Variants in SLIT3 observed in about 807,000 individuals in gnomAD.
SLIT3 encodes slit guidance ligand 3.
Under a neutral mutation model 184.0 loss-of-function variants are expected in SLIT3, and 68 were observed. That is an observed-to-expected ratio of 0.37 (90% CI 0.30 to 0.45). SLIT3 has a LOEUF of 0.45. SLIT3 is among the 20% of genes least tolerant of loss of function. The pLI, the probability that SLIT3 is intolerant of heterozygous loss-of-function variation, is 1.00. For missense variants in SLIT3, 1,707 were observed against 2,026.0 expected (o/e 0.84, Z 3.02); for synonymous variants, 831 against 828.6 (o/e 1.00, Z -0.05).
chr5:168,970,498 A>AT (rs1423277157), intron 4 of SLIT3, among the ~76,000 whole-genome samples: 12 of 119,992 alleles, frequency 1.0e-4, no homozygotes, highest in East Asian at 5.0e-4. Flanking sequence ...TCTGTCTCAA[A>AT]TAAAAAAAAA....
chr5:169,250,185 T>C (rs1286964214), intron 2 of SLIT3, among the ~76,000 whole-genome samples: 2 of 152,198 alleles, frequency 1.3e-5, no homozygotes, highest in Non-Finnish European at 2.9e-5. Flanking sequence ...CTGCTACAAA[T>C]AGGGGCTCAT....
chr5:169,120,552 G>A (rs1314043933), intron 4 of SLIT3, among the ~76,000 whole-genome samples: 2 of 152,186 alleles, frequency 1.3e-5, no homozygotes, highest in Non-Finnish European at 2.9e-5. Flanking sequence ...CCAACATCTT[G>A]ATTTCAGCCC....
intron 1 of SLIT3, among the ~76,000 whole-genome samples, chr5:169,252,006 C>A (rs1765791373): frequency 6.6e-6 from 1 of 152,298 alleles, no homozygotes; most frequent in South Asian, 2.1e-4. Context: ...TGCCTGAAGC[C>A]AGATACCTCT....
At chr5:168,914,757 C>A (rs1391197806) in intron 4 of SLIT3, among the ~76,000 whole-genome samples, 1 of 151,582 alleles carries the variant, frequency 6.6e-6, no homozygotes, top group Non-Finnish European at 1.5e-5. Flanking sequence ...CTTGGGGCTA[C>A]AAACTCACAT....
chr5:168,667,315 T>TAAAG (rs1390963705), intron 35 of SLIT3, among the ~76,000 whole-genome samples: 5 of 152,202 alleles, frequency 3.3e-5, no homozygotes, highest in African/African-American at 1.2e-4. Context: ...GTAGATGCTA[T>TAAAG]AAAGAAAGGG....
intron 9 of SLIT3, among the ~76,000 whole-genome samples, chr5:168,803,600 G>T (rs1156507060): frequency 2.0e-5 from 3 of 152,196 alleles, no homozygotes; most frequent in Non-Finnish European, 4.4e-5. Context: ...AGTGGAAGGG[G>T]GGTGGCAGGC....
intron 3 of SLIT3, among the ~76,000 whole-genome samples, chr5:169,232,174 G>T (rs939346190): frequency 6.6e-6 from 1 of 152,096 alleles, no homozygotes; most frequent in Non-Finnish European, 1.5e-5. Flanking sequence ...TTTCTCTTTA[G>T]CGTCTTCTGT....
At chr5:169,023,733 C>T (rs1243557815) in intron 4 of SLIT3, 1 of 152,160 alleles carries the variant, frequency 6.6e-6, no homozygotes, top group Non-Finnish European at 1.5e-5. Context: ...TGTCTGGTGC[C>T]AGCAAAGGTA....
intron 11 of SLIT3, among the ~76,000 whole-genome samples, chr5:168,787,635 A>T (rs906035683): frequency 4.6e-5 from 7 of 151,764 alleles, no homozygotes; most frequent in African/African-American, 1.2e-4. Context: ...TTTAATTTTA[A>T]TTTTTTCTGC....
At chr5:169,168,941 C>A (rs1762728131) in intron 4 of SLIT3, among the ~76,000 whole-genome samples, 1 of 152,206 alleles carries the variant, frequency 6.6e-6, no homozygotes, top group South Asian at 2.1e-4. Context: ...CTCTATGCTC[C>A]TCTCCCTCCA....
At chr5:169,295,757 T>C (rs1389454259) in intron 1 of SLIT3, among the ~76,000 whole-genome samples, 1 of 152,010 alleles carries the variant, frequency 6.6e-6, no homozygotes, top group Non-Finnish European at 1.5e-5. Flanking sequence ...CAAACAATAC[T>C]GGAGAGAAAA....
At chr5:168,948,002 G>T (rs1762539184) in intron 4 of SLIT3, among the ~76,000 whole-genome samples, 1 of 151,966 alleles carries the variant, frequency 6.6e-6, no homozygotes, top group Non-Finnish European at 1.5e-5. Flanking sequence ...ATGTTGGCCA[G>T]GCTGGTCTCA....
intron 4 of SLIT3, among the ~76,000 whole-genome samples, chr5:169,133,956 G>C (rs1427095840): frequency 6.6e-6 from 1 of 152,188 alleles, no homozygotes; most frequent in African/African-American, 2.4e-5. Flanking sequence ...AGCACAAGCT[G>C]TTAAAACAAA....
At chr5:169,088,581 T>C (rs1171974345) in intron 4 of SLIT3, among the ~76,000 whole-genome samples, 1 of 152,098 alleles carries the variant, frequency 6.6e-6, no homozygotes, top group Non-Finnish European at 1.5e-5. Flanking sequence ...GAATGCAGTA[T>C]GGAGAGACTG....
Position 168,836,404 on chromosome 5 carries a change from A to G in SLIT3, c.557+8180T>C, listed in dbSNP as rs61631925. ...GATGGTGAAAGGGCAGAGGCTGACCATCAGGCAGGGGCACCTTTGCAAATC... is the reference window on the plus strand; with the variant it reads ...GATGGTGAAAGGGCAGAGGCTGACCGTCAGGCAGGGGCACCTTTGCAAATC... On this transcript the variant is annotated intron_variant, in intron 6 of 35. Coordinates refer to ENST00000519560, the MANE Select transcript of SLIT3 (RefSeq NM_003062.4). Among the ~76,000 whole-genome samples, 804 of 152,352 alleles carry G rather than the reference A, an allele frequency of 5.3e-3. 14 individuals carry two copies. Among genetic ancestry groups the G allele is most frequent in the African/African-American group, 0.018 (747 of 41,586 alleles).
chr5:168,679,388 C>T (rs901289121), intron 32 of SLIT3, among the ~76,000 whole-genome samples: 12 of 152,126 alleles, frequency 7.9e-5, no homozygotes, highest in African/African-American at 2.7e-4. Flanking sequence ...ATGGTGGATA[C>T]GTGTTAATCC....
At chr5:169,291,704 GTCT>G (rs1328786911) in intron 1 of SLIT3, among the ~76,000 whole-genome samples, 5 of 152,290 alleles carry the variant, frequency 3.3e-5, no homozygotes, top group African/African-American at 9.6e-5. Context: ...CATCATGTTT[GTCT>G]TCTTCTAGTT....
At chr5:169,056,923 C>A (rs1758023470) in intron 4 of SLIT3, among the ~76,000 whole-genome samples, 1 of 152,182 alleles carries the variant, frequency 6.6e-6, no homozygotes. Context: ...CTTGCTGGGT[C>A]TCTTAACCTC....
At chr5:169,096,950 G>A (rs985203451) in intron 4 of SLIT3, among the ~76,000 whole-genome samples, 1 of 152,212 alleles carries the variant, frequency 6.6e-6, no homozygotes, top group African/African-American at 2.4e-5. Flanking sequence ...GAGGTAGAGT[G>A]CAGACAGGTC....
Sources: gnomAD v4.1 joint callset for allele counts (sites outside exome capture counted in the v4.1 genomes callset) on GRCh38, gnomAD v4.1.1 for gene constraint, MANE v1.5 for transcripts, NCBI Gene and HGNC (gene_info 2026-07-23, HGNC 2026-07-21) for gene names.